The following LTA4H variants were observed in gnomAD, a reference collection of about 807,000 sequenced individuals.
LTA4H encodes the protein leukotriene A-4 hydrolase.
LTA4H carries 59 observed loss-of-function variants against 89.8 expected under a neutral mutation model. That is an observed-to-expected ratio of 0.66 (90% CI 0.53 to 0.82). LTA4H has a LOEUF of 0.82. LTA4H is among the 40% of genes least tolerant of loss of function. The pLI is 0.00. For missense variants in LTA4H, 617 were observed against 727.0 expected (o/e 0.85, Z 1.74); for synonymous variants, 227 against 253.1 (o/e 0.90, Z 0.98).
chr12:96,025,381 C>T (rs1044231817), intron 3 of LTA4H: 3 of 152,254 alleles, frequency 2.0e-5, no homozygotes, highest in Admixed American at 6.5e-5. Flanking sequence ...GTAATCCTGA[C>T]ACTTCAATCT....
intron 1 of LTA4H, among the ~76,000 whole-genome samples, chr12:96,032,545 T>A (rs1209231519): frequency 6.6e-6 from 1 of 152,102 alleles, no homozygotes; most frequent in Non-Finnish European, 1.5e-5. Flanking sequence ...GAGTCCACAA[T>A]CTAGTGGAGG....
chr12:96,002,307 T>C (rs1167153212), intron 18 of LTA4H, among the ~76,000 whole-genome samples: 1 of 152,234 alleles, frequency 6.6e-6, no homozygotes, highest in Non-Finnish European at 1.5e-5. Flanking sequence ...TTTGCCAAGT[T>C]TTATGATATT....
At chr12:96,018,478 G>A (rs995635638) in intron 8 of LTA4H, among the ~76,000 whole-genome samples, 1 of 152,154 alleles carries the variant, frequency 6.6e-6, no homozygotes, top group Non-Finnish European at 1.5e-5. Context: ...GAACCCGGGG[G>A]CAGAGGTTGC....
Position 96,000,961 on chromosome 12 carries a change from A to C in LTA4H, c.*28T>G. ...TACGAATTCCATTTAAAAAAGAGAAATCTCTAAAATCATCAATACGCAGGT... is the reference window on the plus strand; with the variant it reads ...TACGAATTCCATTTAAAAAAGAGAACTCTCTAAAATCATCAATACGCAGGT... On this transcript the variant is annotated 3_prime_UTR_variant, in exon 19 of 19. Transcript: ENST00000228740. 1 of 1,382,808 alleles carries C rather than the reference A, an allele frequency of 7.2e-7. No individual in the cohort carries two copies. The highest frequency in any genetic ancestry group is 1.0e-6 in the Non-Finnish European group (1 of 973,420). 85.7% of individuals were successfully genotyped at this position (1,382,808 alleles called of 1,614,324 possible).
Position 96,019,253 on chromosome 12 carries a change from A to G in LTA4H, c.639-13T>C, listed in dbSNP as rs200783636. Reference sequence around the variant, plus strand: ...TGGGCCAATTTGCCTGCAAGATTAAAAAGCTTAATAAAAAAGAAATTCATG... The same window carrying G: ...TGGGCCAATTTGCCTGCAAGATTAAGAAGCTTAATAAAAAAGAAATTCATG... On this transcript the variant is annotated splice_polypyrimidine_tract_variant and intron_variant, in intron 6 of 18. Transcript: ENST00000228740. The G allele has an allele frequency of 6.3e-7, 1 of 1,598,830 alleles. No homozygotes were observed. Among genetic ancestry groups the G allele is most frequent in the Non-Finnish European group, 8.5e-7 (1 of 1,174,458 alleles).
At chr12:96,009,846 T>A (rs1950270577) in intron 14 of LTA4H, 1 of 152,246 alleles carries the variant, frequency 6.6e-6, no homozygotes, top group African/African-American at 2.4e-5. Context: ...ATGCTTGTAT[T>A]AGGGAACAGA....
At chr12:96,001,149 G>A (rs1405751848) in intron 18 of LTA4H, 43 bp from the exon 19 acceptor site, 4 of 1,224,854 alleles carry the variant, frequency 3.3e-6, no homozygotes, top group Non-Finnish European at 4.8e-6. Context: ...AGGCGAGAAG[G>A]AGACAGAGGA....
Position 96,029,309 on chromosome 12 carries a change from T to A in LTA4H, c.160-124A>T, listed in dbSNP as rs188207979. The A allele has an allele frequency of 1.0e-5, 5 of 501,500 alleles. No homozygotes were observed. In the Admixed American group the frequency reaches 2.0e-4, roughly 20 times the overall value. The allele number at this position is 501,500 out of a possible 1,614,324, so 31.1% of individuals were successfully genotyped here. On this transcript the variant is annotated intron_variant, in intron 1 of 18. Transcript: ENST00000228740. ...AAAATACAGAGTGAAATTAGAAGAATTGAAGAGTCAAAAGCTAGTCTAGGT... is the reference window on the plus strand; with the variant it reads ...AAAATACAGAGTGAAATTAGAAGAAATGAAGAGTCAAAAGCTAGTCTAGGT...
intron 5 of LTA4H, 28 bp from the exon 6 acceptor site, chr12:96,021,165 C>G (rs372879063): frequency 1.0e-5 from 16 of 1,553,934 alleles, no homozygotes; most frequent in Non-Finnish European, 1.4e-5. Context: ...ACGCACACCA[C>G]GTGCTTGCAT....
chr12:96,039,630 G>A (rs1335807606), upstream of LTA4H, among the ~76,000 whole-genome samples: 12 of 152,214 alleles, frequency 7.9e-5, no homozygotes, highest in East Asian at 2.3e-3. Flanking sequence ...CCTGGGAAGT[G>A]AGAAGCAACC....
intron 13 of LTA4H, 47 bp from the exon 14 acceptor site, chr12:96,013,305 G>GT: frequency 7.5e-7 from 1 of 1,336,754 alleles, no homozygotes; most frequent in Non-Finnish European, 1.1e-6. Flanking sequence ...GCCCTTTCCT[G>GT]TCAAAAAAAA....
At chr12:96,035,327 G>A in intron 1 of LTA4H, 34 bp downstream of exon 1, 1 of 1,569,956 alleles carries the variant, frequency 6.4e-7, no homozygotes, top group Non-Finnish European at 8.7e-7. Flanking sequence ...GGGAGCCCGG[G>A]AGAGGCGGGC....
At chr12:96,043,500 G>A in exon 1 of LTA4H, 8 of 630,384 alleles carry the variant, frequency 1.3e-5, no homozygotes, top group South Asian at 9.3e-5. Context: ...CCAGCTACTC[G>A]GGAGGCTGAG....
intron 15 of LTA4H, among the ~76,000 whole-genome samples, chr12:96,007,951 T>C (rs1454618220): frequency 6.6e-6 from 1 of 152,132 alleles, no homozygotes; most frequent in African/African-American, 2.4e-5. Context: ...CCTAAGTGAA[T>C]TAACACAGGA....
intron 1 of LTA4H, chr12:96,043,193 A>G (rs1950701059): frequency 9.2e-6 from 8 of 866,912 alleles, no homozygotes; most frequent in Admixed American, 4.3e-5. Flanking sequence ...GCAAAGTGAG[A>G]ACATGTCGGG....
At chr12:96,005,676 T>C (rs762467807) in intron 16 of LTA4H, among the ~76,000 whole-genome samples, 28 of 152,172 alleles carry the variant, frequency 1.8e-4, no homozygotes, top group Non-Finnish European at 3.2e-4. Context: ...ATGCCCCCAG[T>C]TGGAAGAGTC....
At chr12:96,035,107 G>A (rs2136923426) in intron 1 of LTA4H, among the ~76,000 whole-genome samples, 1 of 152,328 alleles carries the variant, frequency 6.6e-6, no homozygotes, top group East Asian at 1.9e-4. Context: ...AGGGGCGGAG[G>A]AGACATACGT....
intron 17 of LTA4H, 35 bp downstream of exon 17, chr12:96,003,803 G>T: frequency 6.8e-7 from 1 of 1,468,854 alleles, no homozygotes; most frequent in Non-Finnish European, 9.5e-7. Context: ...TTAGTTTTCT[G>T]CTTTCTTCCA....
chr12:96,009,006 T>C (rs1592871250), intron 15 of LTA4H, 88 bp downstream of exon 15: 1 of 944,480 alleles, frequency 1.1e-6, no homozygotes, highest in Non-Finnish European at 1.7e-6. Flanking sequence ...TATAACTGTT[T>C]GTGATTTAAA....
Sources: allele counts gnomAD v4.1 joint callset (sites outside exome capture counted in the v4.1 genomes callset), GRCh38; gene constraint gnomAD v4.1.1; transcripts MANE v1.5; gene names NCBI Gene and HGNC (gene_info 2026-07-23, HGNC 2026-07-21).